The following MAP3K6 variants were observed in gnomAD, a reference collection of about 807,000 sequenced individuals.
MAP3K6 encodes the protein apoptosis signal-regulating kinase 2.
A neutral mutation model predicts 147.1 loss-of-function variants in MAP3K6; 105 were observed. The ratio of observed to expected loss-of-function variants is 0.71; its 90% confidence interval spans 0.61 to 0.84. MAP3K6 has a LOEUF of 0.84. Among genes scored for constraint, MAP3K6 ranks in the 40% least tolerant of loss-of-function variants. The probability of loss-of-function intolerance (pLI) is 0.00; values close to 1 mark genes in which losing one functional copy is unlikely to be tolerated. For missense variants in MAP3K6, 1,569 were observed against 1,715.0 expected, an observed-to-expected ratio of 0.91 and a Z score of 1.50; for synonymous variants, 695 against 732.4, an observed-to-expected ratio of 0.95 and a Z score of 0.82.
chr1:27,358,765 C>A lies in MAP3K6; in HGVS notation c.2527G>T (p.Ala843Ser). The A allele has an allele frequency of 6.2e-7, 1 of 1,614,012 alleles. No individual in the cohort carries two copies. The highest frequency in any genetic ancestry group is 1.7e-5 in the Admixed American group (1 of 60,006). ...TCGTGGAAGGGGGGGCGACCTGTGG[C>A]CATCTCAATGACAGTGCAGCCCAGT... ...WSLGCTVIEMATGRPPFHELG... is the reference protein window; with the variant it reads ...WSLGCTVIEMSTGRPPFHELG... Residue 843 changes from alanine (A) to serine (S), a missense_variant, in exon 19 of 29, where the codon GCC (alanine) becomes TCC (serine). By Grantham distance (99) the Ala-to-Ser change is moderately conservative (BLOSUM62 1). Transcript: ENST00000357582. The surrounding 1 kb of genome is among the most constrained non-coding windows in gnomAD (Gnocchi z 6.2).
intron 24 of MAP3K6, 86 bp downstream of exon 24, chr1:27,356,923 G>T: frequency 6.8e-7 from 1 of 1,461,026 alleles, no homozygotes; most frequent in Non-Finnish European, 9.4e-7. Context: ...GTCCCGCCTG[G>T]CCCCCACCGG....
In MAP3K6 at chr1:27,361,514, C is replaced by G. The variant is rs765542805; in HGVS notation, c.1686+6G>C. On this transcript the variant is annotated splice_donor_region_variant and intron_variant, in intron 11 of 28. Coordinates refer to ENST00000357582, the MANE Select transcript of MAP3K6 (RefSeq NM_004672.5). ...GGTGAGTGAGGGGCCTCAGCAGCGA[C>G]TTCACCTGGGTCTCAGGCTCCAGCA... The G allele has an allele frequency of 1.2e-6, 2 of 1,614,116 alleles. No homozygotes were observed. Among genetic ancestry groups the G allele is most frequent in the South Asian group, 2.2e-5 (2 of 91,084 alleles).
intron 6 of MAP3K6, 148 bp from the exon 7 acceptor site, chr1:27,363,169 C>G: frequency 1.4e-6 from 1 of 734,322 alleles, no homozygotes; most frequent in Non-Finnish European, 2.2e-6. Context: ...ACTGACCTCT[C>G]TAGTGACCTC....
In MAP3K6 at chr1:27,364,167, C is replaced by A; in HGVS notation, c.695+37G>T. On this transcript the variant is annotated intron_variant, in intron 4 of 28. Transcript: ENST00000357582. This position sits in a 1 kb window ranked among gnomAD's most constrained non-coding sequence, Gnocchi z 4.4. ...CCCAGCCCACCATACCCTCACCAGC[C>A]CCCTCCTGGAGCACCCTCCCTGGGG... The A allele has an allele frequency of 1.2e-6, 2 of 1,601,078 alleles. No homozygotes were observed. Among genetic ancestry groups the A allele is most frequent in the South Asian group, 1.1e-5 (1 of 90,094 alleles).
At position 27,359,624 on chromosome 1, in the gene MAP3K6, C is replaced by A; in HGVS notation, c.2320-102G>T. On this transcript the variant is annotated intron_variant, in intron 17 of 28. Coordinates refer to ENST00000357582, the MANE Select transcript of MAP3K6 (RefSeq NM_004672.5). This position sits in a 1 kb window ranked among gnomAD's most constrained non-coding sequence, Gnocchi z 4.4. ...CCTGGAGATCCCAGCCTGGTCCTGC[C>A]TCTGTCAACACTCTCCCCTTGCCAT... is the stretch of plus-strand genomic sequence containing the variant. The A allele has an allele frequency of 6.5e-7, 1 of 1,536,406 alleles. No individual in the cohort carries two copies. Among genetic ancestry groups the A allele is most frequent in the South Asian group, 1.2e-5 (1 of 84,842 alleles).
At position 27,364,525 on chromosome 1, in the gene MAP3K6, G is replaced by C; in HGVS notation, c.505-131C>G. On this transcript the variant is annotated intron_variant, in intron 3 of 28. Coordinates refer to ENST00000357582, the MANE Select transcript of MAP3K6 (RefSeq NM_004672.5). The surrounding 1 kb of genome is among the most constrained non-coding windows in gnomAD (Gnocchi z 4.4). ...GAAAGGGGCACCCGTCATGAGAGGA[G>C]GCAACAGGAAACAGAGGAATACTTG... The C allele has an allele frequency of 6.5e-7, 1 of 1,539,920 alleles. No individual in the cohort carries two copies.
In MAP3K6 at chr1:27,364,507, G is replaced by A; in HGVS notation, c.505-113C>T. The A allele has an allele frequency of 1.3e-6, 2 of 1,535,680 alleles. No homozygotes were observed. Among genetic ancestry groups the A allele is most frequent in the South Asian group, 1.1e-5 (1 of 88,910 alleles). On this transcript the variant is annotated intron_variant, in intron 3 of 28. Coordinates refer to ENST00000357582, the MANE Select transcript of MAP3K6 (RefSeq NM_004672.5). The surrounding 1 kb of genome is among the most constrained non-coding windows in gnomAD (Gnocchi z 4.4). ...TGGGAATTGGAATCGCAGGAAAGGG[G>A]CACCCGTCATGAGAGGAGGCAACAG... is the stretch of plus-strand genomic sequence containing the variant.
In MAP3K6 at chr1:27,360,746, C is replaced by T. The variant is rs780183265; in HGVS notation, c.2013G>A (p.Arg671=). 46 of 1,612,522 alleles carry T rather than the reference C, an allele frequency of 2.9e-5. No individual in the cohort carries two copies. The highest frequency in any genetic ancestry group is 3.1e-5 in the Non-Finnish European group (37 of 1,179,836). ...GGATCTCCTTGATGGCGATGCGCAC[C>T]CTCGTGTGGCGATCGCGGCCCGCGT... ...VVYAGRDRHT[R]VRIAIKEIPE... Residue 671 remains arginine (R), a synonymous_variant, in exon 15 of 29, where the codon AGG becomes AGA. Coordinates refer to ENST00000357582, the MANE Select transcript of MAP3K6 (RefSeq NM_004672.5). This position sits in a 1 kb window ranked among gnomAD's most constrained non-coding sequence, Gnocchi z 4.5.
Position 27,363,356 on chromosome 1 carries a change from C to T in MAP3K6, c.971+86G>A, listed in dbSNP as rs1200720932. 7.0e-6 allele frequency: 8 copies of T among 1,138,936 alleles called. No individual in the cohort carries two copies. In the Admixed American group the frequency reaches 2.0e-4, roughly 28 times the overall value. The allele number at this position is 1,138,936 out of a possible 1,614,324, so 70.6% of individuals were successfully genotyped here. A position where few individuals can be genotyped will look rare whatever the true frequency, so the allele number is the denominator to read the frequency against. ...AGCAAATTCCCCGAACAGCAGTGATCCCAGACAGCAATGGCTTTGCACGCA... is the reference window on the plus strand; with the variant it reads ...AGCAAATTCCCCGAACAGCAGTGATTCCAGACAGCAATGGCTTTGCACGCA... On this transcript the variant is annotated intron_variant, in intron 6 of 28. Transcript: ENST00000357582.
At position 27,364,057 on chromosome 1, in the gene MAP3K6, C is replaced by T. The variant is rs1425175513; in HGVS notation, c.724G>A (p.Asp242Asn). The part of the protein sequence containing the change: ...CGYFRETIRR[D>N]IRQARERFSG... ...AACCGCTCCCGCGCCTGCCGGATGT[C>T]CCGCCGAATGGTCTCCCGGAAATAG... The change falls in exon 5 of 29, where the codon GAC (aspartate) becomes AAC (asparagine). Residue 242 changes from aspartate to asparagine, a missense_variant. Asp to Asn is a conservative substitution (Grantham distance 23). Transcript: ENST00000357582. The surrounding 1 kb of genome is among the most constrained non-coding windows in gnomAD (Gnocchi z 4.4). 3 of 1,612,828 alleles carry T rather than the reference C, an allele frequency of 1.9e-6. No homozygotes were observed. The highest frequency in any genetic ancestry group is 2.5e-6 in the Non-Finnish European group (3 of 1,179,904).
Position 27,361,875 on chromosome 1 carries a change from C to A in MAP3K6, c.1416-8G>T. 6.5e-7 allele frequency: 1 copy of A among 1,534,744 alleles called. No individual in the cohort carries two copies. The highest frequency in any genetic ancestry group is 1.3e-5 in the South Asian group (1 of 79,894). On this transcript the variant is annotated splice_region_variant and splice_polypyrimidine_tract_variant and intron_variant, in intron 9 of 28. Coordinates refer to ENST00000357582, the MANE Select transcript of MAP3K6 (RefSeq NM_004672.5). ...ATCACGGACACCAGGTACCTGCATG[C>A]AAAGCCACATCCTCAGTTCAGCCCA... is the stretch of plus-strand genomic sequence containing the variant.
At position 27,356,495 on chromosome 1, in the gene MAP3K6, C is replaced by T. The variant is rs750378178; in HGVS notation, c.3530G>A (p.Arg1177His). 92 of 1,613,538 alleles carry T rather than the reference C, an allele frequency of 5.7e-5. No homozygotes were observed. The East Asian group carries it at 1.7e-3, about 30-fold the overall frequency. ...SLLRAETDRL[R>H]EILAGKEREY... ...CCGTTCCTTCCCCGCCAGGATTTCG[C>T]GCAGCCTGTGGGGCGCAGAAGAGTA... The change falls in exon 26 of 29, where the codon CGC becomes CAC. Residue 1177 changes from arginine to histidine, a missense_variant. Arg to His is a conservative substitution (Grantham distance 29, BLOSUM62 0). Transcript: ENST00000357582.
At chr1:27,361,056 A>G in intron 13 of MAP3K6, 48 bp from the exon 14 acceptor site, 1 of 1,536,290 alleles carries the variant, frequency 6.5e-7, no homozygotes, top group Non-Finnish European at 8.8e-7. Flanking sequence ...CTTGGTCCCC[A>G]CCTAAGCCGG....
At chr1:27,365,043 C>A (rs1027501015) in intron 1 of MAP3K6, 131 bp from the exon 2 acceptor site, 2 of 995,510 alleles carry the variant, frequency 2.0e-6, no homozygotes, top group East Asian at 2.6e-5. Flanking sequence ...GGGCTTCAGT[C>A]GGCCCTTTTT....
rs778315229 is a variant in MAP3K6 at position 27,363,442 on chromosome 1, C to T, written c.971G>A (p.Arg324Gln). Residue 324 changes from arginine to glutamine, a missense_variant and splice_region_variant, in exon 6 of 29, where the codon CGG (arginine) becomes CAG (glutamine). By Grantham distance (43) the Arg-to-Gln change is conservative. Transcript: ENST00000357582. ...ACCTAACCCTTGCTCTGCCACTCAC[C>T]GGTTGAGGGCAAAAGTGTAGTGGAA... ...VCFHYTFALN[R>Q]RNRPGDRAKA... 6 of 1,611,044 alleles carry T rather than the reference C, an allele frequency of 3.7e-6. No homozygotes were observed. The highest frequency in any genetic ancestry group is 3.4e-5 in the Admixed American group (2 of 59,528).
At position 27,359,528 on chromosome 1, in the gene MAP3K6, T is replaced by G. The variant is rs754563908; in HGVS notation, c.2320-6A>C. On this transcript the variant is annotated splice_region_variant and splice_polypyrimidine_tract_variant and intron_variant, in intron 17 of 28. Transcript: ENST00000357582. This position sits in a 1 kb window ranked among gnomAD's most constrained non-coding sequence, Gnocchi z 4.4. ...TTGATCAGCACATTGTCCCCCTGAT[T>G]GACAGCCATTAGTGGACACTGGTCT... The G allele has an allele frequency of 6.2e-7, 1 of 1,614,086 alleles. No homozygotes were observed. The highest frequency in any genetic ancestry group is 1.1e-5 in the South Asian group (1 of 91,080).
At position 27,358,541 on chromosome 1, in the gene MAP3K6, C is replaced by T. The variant is rs370565326; in HGVS notation, c.2654G>A (p.Arg885Gln). 202 of 1,611,924 alleles carry T rather than the reference C, an allele frequency of 1.3e-4. No homozygotes were observed. Among genetic ancestry groups the T allele is most frequent in the Middle Eastern group, 3.3e-4 (2 of 6,036 alleles). Residue 885 changes from arginine (R) to glutamine (Q), a missense_variant, in exon 20 of 29, where the codon CGA (arginine) becomes CAA (glutamine). Physicochemically the swap from Arg to Gln is conservative, Grantham distance 43. Coordinates refer to ENST00000357582, the MANE Select transcript of MAP3K6 (RefSeq NM_004672.5). This position sits in a 1 kb window ranked among gnomAD's most constrained non-coding sequence, Gnocchi z 6.2. ...LSAEAQAFLL[R>Q]TFEPDPRLRA... The stretch of plus-strand genomic sequence containing the variant: ...GAGGCGGGGGTCTGGCTCAAAAGTT[C>T]GGAGGAGAAAGGCTTGGGCCTCGGC...
At chr1:27,355,583 G>C (rs1366089920) in intron 28 of MAP3K6, 86 bp downstream of exon 28, 5 of 1,587,618 alleles carry the variant, frequency 3.1e-6, no homozygotes, top group Non-Finnish European at 4.3e-6. Context: ...TGCCCCTTTG[G>C]TTTCCAGGAA....
chr1:27,356,872 T>TGTCCATTTA lies in MAP3K6; in HGVS notation c.3364+128_3365-124dup, dbSNP rs2015546441. ...CCCCAGGCGGTGCCGGTATGGGAGA[T>TGTCCATTTA]GTCCATTTAGTCACGCCCCCACCGG... is the stretch of plus-strand genomic sequence containing the variant. On this transcript the variant is annotated intron_variant, in intron 24 of 28. Transcript: ENST00000357582. 4.2e-6 allele frequency: 6 copies of TGTCCATTTA among 1,424,312 alleles called. No homozygotes were observed. In the South Asian group the frequency reaches 7.9e-5, roughly 19 times the overall value. 88.2% of individuals were successfully genotyped at this position (1,424,312 alleles called of 1,614,324 possible). A position where few individuals can be genotyped will look rare whatever the true frequency, so the allele number is the denominator to read the frequency against.
Sources: gnomAD v4.1 joint callset for allele counts on GRCh38, gnomAD v4.1.1 for gene constraint, Gnocchi (gnomAD v3.1) non-coding constraint, MANE v1.5 for transcripts, NCBI Gene and HGNC (gene_info 2026-07-23, HGNC 2026-07-21) for gene names.